KCNA3: variants seen among roughly 807,000 people sequenced by gnomAD.
KCNA3 encodes RP11-284N8.3.
KCNA3 carries 18 observed loss-of-function variants against 34.3 expected under a neutral mutation model. The observed-to-expected ratio is 0.52, with a 90% CI of 0.36 to 0.78. The LOEUF (loss-of-function observed/expected upper bound fraction) is 0.78, where lower values mean the gene tolerates loss of function less well. Ranked by LOEUF, KCNA3 falls within the 30% of genes least tolerant of loss-of-function variation. The probability of loss-of-function intolerance (pLI) is 0.00; values close to 1 mark genes in which losing one functional copy is unlikely to be tolerated. For missense variants in KCNA3, 587 were observed against 802.5 expected (o/e 0.73, Z 3.24); for synonymous variants, 324 against 351.7 (o/e 0.92, Z 0.88).
chr1:110,674,339 G>A lies in KCNA3; in HGVS notation c.471C>T (p.Asp157=), dbSNP rs767302571. 20 of 1,614,078 alleles carry A rather than the reference G, an allele frequency of 1.2e-5. No homozygotes were observed. The highest frequency in any genetic ancestry group is 1.6e-4 in the Middle Eastern group (1 of 6,084). Residue 157 remains aspartate, a synonymous_variant, in exon 1 of 1, where the codon GAC becomes GAT. Transcript: ENST00000369769. This position sits in a 1 kb window ranked among gnomAD's most constrained non-coding sequence, Gnocchi z 6.4. ...CGGACTGATAGTAGTAGAGGATGGC[G>A]TCGAAGCTGGGCCGGTTGCGGTCGA... is the stretch of plus-strand genomic sequence containing the variant. The part of the protein sequence containing the change: ...YFFDRNRPSF[D]AILYYYQSGG...
chr1:110,670,476 GAATA>G (rs1651848991), downstream of KCNA3, among the ~76,000 whole-genome samples: 1 of 152,100 alleles, frequency 6.6e-6, no homozygotes, highest in Non-Finnish European at 1.5e-5. Context: ...TACATCTCCT[GAATA>G]AATGTGAATA....
chr1:110,674,293 C>T lies in KCNA3; in HGVS notation c.517G>A (p.Val173Ile). 1.9e-6 allele frequency: 3 copies of T among 1,614,172 alleles called. No individual in the cohort carries two copies. Among genetic ancestry groups the T allele is most frequent in the Non-Finnish European group, 1.7e-6 (2 of 1,180,016 alleles). ...YQSGGRIRRPVNVPIDIFSEE... is the reference protein window; with the variant it reads ...YQSGGRIRRPINVPIDIFSEE... ...GAGAAAATGTCGATGGGCACGTTGA[C>T]CGGCCGGCGGATGCGGCCCCCGGAC... Residue 173 changes from valine to isoleucine, a missense_variant, in exon 1 of 1, where the codon GTC (valine) becomes ATC (isoleucine). Physicochemically the swap from Val to Ile is conservative, Grantham distance 29. Coordinates refer to ENST00000369769, the MANE Select transcript of KCNA3 (RefSeq NM_002232.5). This position sits in a 1 kb window ranked among gnomAD's most constrained non-coding sequence, Gnocchi z 6.4.
In KCNA3 at chr1:110,674,641, G is replaced by A; in HGVS notation, c.169C>T (p.Pro57Ser). Residue 57 changes from proline to serine, a missense_variant, in exon 1 of 1, where the codon CCC (proline) becomes TCC (serine). Physicochemically the swap from Pro to Ser is moderately conservative, Grantham distance 74. Transcript: ENST00000369769. The surrounding 1 kb of genome is among the most constrained non-coding windows in gnomAD (Gnocchi z 6.4). ...RELPPDMTVVPGDHLLEPEVA... is the reference protein window; with the variant it reads ...RELPPDMTVVSGDHLLEPEVA... ...TCCGGCTCCAGCAGGTGGTCCCCGG[G>A]CACCACGGTCATGTCGGGCGGCAGC... The A allele has an allele frequency of 6.5e-7, 1 of 1,545,578 alleles. No homozygotes were observed.
At chr1:110,663,366 GAA>G in the KCNA3 span, among the ~76,000 whole-genome samples, 53 of 152,314 alleles carry the variant, frequency 3.5e-4, no homozygotes, top group African/African-American at 1.3e-3. Context: ...GGCGTAAGGA[GAA>G]AGAGTTTCTA....
At position 110,673,958 on chromosome 1, in the gene KCNA3, G is replaced by T. The variant is rs1450639557; in HGVS notation, c.852C>A (p.Ser284=). ...CGGAGAAGCTGGAGGCTCCTGCGCG[G>T]GACCCCGACGTGCTGTTGCCGGCTG... ...FEAAGNSTSG[S]RAGASSFSDP... Residue 284 remains serine, a synonymous_variant, in exon 1 of 1, where the codon TCC becomes TCA. Coordinates refer to ENST00000369769, the MANE Select transcript of KCNA3 (RefSeq NM_002232.5). The surrounding 1 kb of genome is among the most constrained non-coding windows in gnomAD (Gnocchi z 8.8). The T allele has an allele frequency of 6.2e-7, 1 of 1,613,948 alleles. No homozygotes were observed. The highest frequency in any genetic ancestry group is 8.5e-7 in the Non-Finnish European group (1 of 1,180,000).
At chr1:110,663,931 C>G in the KCNA3 span, among the ~76,000 whole-genome samples, 52 of 152,224 alleles carry the variant, frequency 3.4e-4, no homozygotes, top group East Asian at 9.3e-3. Flanking sequence ...TAAAAAATAG[C>G]TAACTTTTAA....
the KCNA3 span, among the ~76,000 whole-genome samples, chr1:110,660,186 G>A: frequency 6.6e-6 from 1 of 152,074 alleles, no homozygotes; most frequent in Admixed American, 6.5e-5. Context: ...TTGTCTAAAT[G>A]TATTAACTAC....
the KCNA3 span, among the ~76,000 whole-genome samples, chr1:110,665,160 G>A: frequency 6.6e-6 from 1 of 152,208 alleles, no homozygotes. Context: ...ACACAAAGAT[G>A]TAATATAACT....
chr1:110,673,590 A>G lies in KCNA3; in HGVS notation c.1220T>C (p.Ile407Thr). The change falls in exon 1 of 1, where the codon ATT (isoleucine) becomes ACT (threonine). Residue 407 changes from isoleucine (I) to threonine (T), a missense_variant. Transcript: ENST00000369769. The surrounding 1 kb of genome is among the most constrained non-coding windows in gnomAD (Gnocchi z 8.8). Reference protein sequence around the residue: ...ELGLLIFFLFIGVILFSSAVY... With the variant: ...ELGLLIFFLFTGVILFSSAVY... ...CGCGCTGGAGAAAAGGATGACCCCAATAAAGAGGAAGAAGATGAGCAATCC... is the reference window on the plus strand; with the variant it reads ...CGCGCTGGAGAAAAGGATGACCCCAGTAAAGAGGAAGAAGATGAGCAATCC... 6.2e-7 allele frequency: 1 copy of G among 1,614,190 alleles called. No individual in the cohort carries two copies. Among genetic ancestry groups the G allele is most frequent in the Non-Finnish European group, 8.5e-7 (1 of 1,180,042 alleles).
rs199864361 is a variant in KCNA3 at position 110,674,202 on chromosome 1, A to G, written c.608T>C (p.Phe203Ser). The G allele has an allele frequency of 6.2e-7, 1 of 1,613,166 alleles. No individual in the cohort carries two copies. Among genetic ancestry groups the G allele is most frequent in the African/African-American group, 1.3e-5 (1 of 75,030 alleles). The change falls in exon 1 of 1, where the codon TTC (phenylalanine) becomes TCC (serine). Residue 203 changes from phenylalanine to serine, a missense_variant. This residue lies in a region of KCNA3 where 341 missense variants were observed against 355.4 expected (regional missense o/e 0.96). Coordinates refer to ENST00000369769, the MANE Select transcript of KCNA3 (RefSeq NM_002232.5). The surrounding 1 kb of genome is among the most constrained non-coding windows in gnomAD (Gnocchi z 6.4). ...CAAGGGCCGCTCCTCCTCCCGCAGG[A>G]AGCCCTCGTCCTCGCGGAACTTCTC... ...AMEKFREDEG[F>S]LREEERPLPR...
downstream of KCNA3, among the ~76,000 whole-genome samples, chr1:110,669,062 G>T (rs925720011): frequency 6.6e-6 from 1 of 152,174 alleles, no homozygotes; most frequent in Admixed American, 6.5e-5. Flanking sequence ...AAAGATCCAT[G>T]GAGTGGTTAG....
At chr1:110,655,894 A>G in the KCNA3 span, 2 of 152,206 alleles carry the variant, frequency 1.3e-5, no homozygotes, top group East Asian at 1.9e-4. Flanking sequence ...TGATGTGCAA[A>G]AGCTATAACC....
At chr1:110,668,503 A>G (rs2100946197), downstream of KCNA3, among the ~76,000 whole-genome samples, 1 of 152,322 alleles carries the variant, frequency 6.6e-6, no homozygotes, top group East Asian at 1.9e-4. Context: ...GTAAATAACA[A>G]GTTTTATGCC....
the KCNA3 span, among the ~76,000 whole-genome samples, chr1:110,663,898 A>G: frequency 6.6e-6 from 1 of 152,228 alleles, no homozygotes; most frequent in South Asian, 2.1e-4. Flanking sequence ...ATCACTTCAA[A>G]AAATAGCTAA....
At chr1:110,655,141 T>C in the KCNA3 span, 1 of 152,056 alleles carries the variant, frequency 6.6e-6, no homozygotes, top group Non-Finnish European at 1.5e-5. Flanking sequence ...CCCTTGAATG[T>C]GTATATATAT....
At position 110,674,450 on chromosome 1, in the gene KCNA3, C is replaced by A; in HGVS notation, c.360G>T (p.Lys120Asn). 6.2e-7 allele frequency: 1 copy of A among 1,614,088 alleles called. No homozygotes were observed. Among genetic ancestry groups the A allele is most frequent in the Non-Finnish European group, 8.5e-7 (1 of 1,179,980 alleles). Residue 120 changes from lysine to asparagine, a missense_variant, in exon 1 of 1, where the codon AAG becomes AAT. Lys to Asn is a moderately conservative substitution (Grantham distance 94). This residue lies in a region of KCNA3 where 341 missense variants were observed against 355.4 expected (regional missense o/e 0.96). Transcript: ENST00000369769. This position sits in a 1 kb window ranked among gnomAD's most constrained non-coding sequence, Gnocchi z 6.4. ...GCGTCTCGGGGAACTGGCAAAGGGT[C>A]TTCAGCTGCGTCTCGAAGCGCAGCC... ...ISGLRFETQLKTLCQFPETLL... is the reference protein window; with the variant it reads ...ISGLRFETQLNTLCQFPETLL...
At chr1:110,654,035 C>T in the KCNA3 span, 19 of 152,218 alleles carry the variant, frequency 1.2e-4, no homozygotes, top group African/African-American at 4.3e-4. Context: ...AGACTGTTGA[C>T]TTACAAGGGA....
the KCNA3 span, chr1:110,654,284 A>G: frequency 6.6e-6 from 1 of 152,190 alleles, no homozygotes. Flanking sequence ...TTACAGGAAA[A>G]TGAGCTTTCT....
Position 110,673,317 on chromosome 1 carries a change from T to G in KCNA3, c.1493A>C (p.Gln498Pro), listed in dbSNP as rs1651957414. Residue 498 changes from glutamine (Q) to proline (P), a missense_variant, in exon 1 of 1, where the codon CAG (glutamine) becomes CCG (proline). Gln to Pro is a moderately conservative substitution (Grantham distance 76, BLOSUM62 -1). This residue lies in a region of KCNA3 where 95 missense variants were observed against 107.3 expected (regional missense o/e 0.89). Transcript: ENST00000369769. The surrounding 1 kb of genome is among the most constrained non-coding windows in gnomAD (Gnocchi z 8.8). ...CTGGCAACTTCCCACGTGCATGTAC[T>G]GGGATTGCTCTTCCCCTTCTGTCTC... ...HRETEGEEQS[Q>P]YMHVGSCQHL... is the part of the protein sequence containing the mutation. 1 of 1,613,872 alleles carries G rather than the reference T, an allele frequency of 6.2e-7. No individual in the cohort carries two copies.
Sources: gnomAD v4.1 joint callset for allele counts (sites outside exome capture counted in the v4.1 genomes callset) on GRCh38, gnomAD v4.1.1 for gene constraint, gnomAD v4.1.1 regional missense constraint, Gnocchi (gnomAD v3.1) non-coding constraint, MANE v1.5 for transcripts, NCBI Gene and HGNC (gene_info 2026-07-23, HGNC 2026-07-21) for gene names.